The following DNMT3A variants were observed in gnomAD, a reference collection of about 807,000 sequenced individuals.
DNMT3A encodes the protein DNA methyltransferase 3 alpha, also known as DNA (cytosine-5)-methyltransferase 3A.
Under a neutral mutation model 117.6 loss-of-function variants are expected in DNMT3A, and 267 were observed. That is an observed-to-expected ratio of 2.27 (90% CI 2.05 to 2.51). The LOEUF (loss-of-function observed/expected upper bound fraction) is 2.51. DNMT3A is among the 30% of genes most tolerant of loss of function. DNMT3A has a pLI of 0.00. For missense variants in DNMT3A, 1,029 were observed against 1,260.2 expected, an observed-to-expected ratio of 0.82 and a Z score of 2.78; for synonymous variants, 432 against 474.8, an observed-to-expected ratio of 0.91 and a Z score of 1.17.
intron 16 of DNMT3A, among the ~76,000 whole-genome samples, chr2:25,242,445 T>A (rs186901846): frequency 1.9e-3 from 293 of 152,208 alleles, no homozygotes; most frequent in Middle Eastern, 3.4e-3. Context: ...GCTCCCAACA[T>A]GTCCCCCAGC....
chr2:25,301,886 A>G (rs1406972197), intron 2 of DNMT3A, among the ~76,000 whole-genome samples: 1 of 152,014 alleles, frequency 6.6e-6, no homozygotes, highest in Non-Finnish European at 1.5e-5. Flanking sequence ...GCCCTCAACA[A>G]CCTACTCAAC....
intron 1 of DNMT3A, among the ~76,000 whole-genome samples, chr2:25,316,819 A>C (rs2034399372): frequency 6.6e-6 from 1 of 152,172 alleles, no homozygotes; most frequent in South Asian, 2.1e-4. Flanking sequence ...GAACCCTACC[A>C]CCATGAAAAG....
Position 25,229,138 on chromosome 2 carries a change from G to A in DNMT3A, c.*5141C>T, listed in dbSNP as rs1398815957. 6.6e-6 allele frequency: 1 copy of A among 152,256 alleles called. No homozygotes were observed. Among genetic ancestry groups the A allele is most frequent in the African/African-American group, 2.4e-5 (1 of 41,434 alleles). The allele number at this position is 152,256 out of a possible 1,614,324, so 9.4% of individuals were successfully genotyped here. A position where few individuals can be genotyped will look rare whatever the true frequency, so the allele number is the denominator to read the frequency against. ...CTTAGCTGGGTCTCGGAAACACAGA[G>A]GCAAGGTTCCCCAACTCGATCCTCA... On this transcript the variant is annotated 3_prime_UTR_variant, in exon 23 of 23. Coordinates refer to ENST00000321117, the MANE Select transcript of DNMT3A (RefSeq NM_022552.5).
At chr2:25,338,050 C>A (rs1231595248) in intron 1 of DNMT3A, among the ~76,000 whole-genome samples, 1 of 152,224 alleles carries the variant, frequency 6.6e-6, no homozygotes, top group Non-Finnish European at 1.5e-5. Context: ...GAGACACACT[C>A]AACTCCCAGT....
At chr2:25,246,123 C>T in intron 11 of DNMT3A, 37 bp downstream of exon 11, 1 of 1,614,162 alleles carries the variant, frequency 6.2e-7, no homozygotes, top group South Asian at 1.1e-5. Context: ...GGATGCAGGC[C>T]TCCTGGTGCC....
At chr2:25,249,478 T>C (rs1675254857) in intron 6 of DNMT3A, 1 of 693,470 alleles carries the variant, frequency 1.4e-6, no homozygotes, top group Non-Finnish European at 2.5e-6. Context: ...ACACCCAGTG[T>C]GTATTGTTAC....
Position 25,237,780 on chromosome 2 carries a change from C to A in DNMT3A, c.2409-775G>T, listed in dbSNP as rs556900715. Among the ~76,000 whole-genome samples, 2 of 151,090 alleles carry A rather than the reference C, an allele frequency of 1.3e-5. No individual in the cohort carries two copies. The highest frequency in any genetic ancestry group is 2.4e-5 in the African/African-American group (1 of 41,234). On this transcript the variant is annotated intron_variant, in intron 20 of 22. Transcript: ENST00000321117. This position sits in a 1 kb window ranked among gnomAD's most constrained non-coding sequence, Gnocchi z 5.4. ...ACTCTGTCTCCAAAAAAAAAAAAAA[C>A]CAGACTTAAATTCTGCAGTTCCCTA...
intron 2 of DNMT3A, among the ~76,000 whole-genome samples, chr2:25,310,458 C>T (rs2034050690): frequency 6.6e-6 from 1 of 152,036 alleles, no homozygotes; most frequent in Admixed American, 6.5e-5. Context: ...CTGCTCTGCC[C>T]ACCATATGGA....
chr2:25,235,547 C>G (rs1673257729), intron 22 of DNMT3A, among the ~76,000 whole-genome samples, 160 bp downstream of exon 22: 2 of 152,070 alleles, frequency 1.3e-5, no homozygotes, highest in South Asian at 4.2e-4. Context: ...GTCAGGAGTC[C>G]ACCCCAGGAG....
intron 1 of DNMT3A, 140 bp from the exon 2 acceptor site, chr2:25,314,301 A>G: frequency 8.4e-7 from 1 of 1,195,712 alleles, no homozygotes; most frequent in Non-Finnish European, 1.0e-6. Flanking sequence ...CAGAGAGCAG[A>G]GAAACCGAGG....
chr2:25,319,936 A>G (rs2034531916), intron 1 of DNMT3A, among the ~76,000 whole-genome samples: 1 of 151,974 alleles, frequency 6.6e-6, no homozygotes, highest in African/African-American at 2.4e-5. Flanking sequence ...TGCCCGGCTA[A>G]TTTTTGCATT....
Position 25,237,072 on chromosome 2 carries a change from C to A in DNMT3A, c.2409-67G>T. The A allele has an allele frequency of 4.0e-6, 6 of 1,513,366 alleles. No individual in the cohort carries two copies. In the Admixed American group the frequency reaches 5.4e-5, roughly 14 times the overall value. The allele number at this position is 1,513,366 out of a possible 1,614,324, so 93.7% of individuals were successfully genotyped here. A position where few individuals can be genotyped will look rare whatever the true frequency, so the allele number is the denominator to read the frequency against. On this transcript the variant is annotated intron_variant, in intron 20 of 22. Coordinates refer to ENST00000321117, the MANE Select transcript of DNMT3A (RefSeq NM_022552.5). The surrounding 1 kb of genome is among the most constrained non-coding windows in gnomAD (Gnocchi z 5.4). ...AACAGCGGGAAGGGCCCCAGCTGCA[C>A]GACTCCCCTCCCTCCCCCAGCAGCC... is the stretch of plus-strand genomic sequence containing the variant.
Position 25,230,473 on chromosome 2 carries a change from G to C in DNMT3A, c.*3806C>G, listed in dbSNP as rs1386399331. On this transcript the variant is annotated 3_prime_UTR_variant, in exon 23 of 23. Transcript: ENST00000321117. ...AGCCCCCAGAACCCTTGTTTCTAAG[G>C]GGGAAATGGGCCTACTCTTCGGAAA... 1 of 152,218 alleles carries C rather than the reference G, an allele frequency of 6.6e-6. No individual in the cohort carries two copies. The highest frequency in any genetic ancestry group is 1.5e-5 in the Non-Finnish European group (1 of 68,060). The allele number at this position is 152,218 out of a possible 1,614,324, so 9.4% of individuals were successfully genotyped here.
chr2:25,278,769 T>C (rs893535008), intron 4 of DNMT3A, among the ~76,000 whole-genome samples: 8 of 151,308 alleles, frequency 5.3e-5, no homozygotes. Context: ...GAGGTTGCAG[T>C]AAGCCAAGAT....
intron 1 of DNMT3A, among the ~76,000 whole-genome samples, chr2:25,340,103 G>C (rs1345071440): frequency 6.6e-6 from 1 of 152,222 alleles, no homozygotes; most frequent in African/African-American, 2.4e-5. Flanking sequence ...GTTTGGAGGG[G>C]GGGTAGCTGC....
intron 6 of DNMT3A, among the ~76,000 whole-genome samples, chr2:25,263,990 G>C (rs1052169544): frequency 6.6e-6 from 1 of 152,124 alleles, no homozygotes; most frequent in Non-Finnish European, 1.5e-5. Flanking sequence ...TCACAGGGGA[G>C]GGTAGAATTC....
chr2:25,339,968 A>C lies in DNMT3A; in HGVS notation c.-178+1858T>G, dbSNP rs2035349816. On this transcript the variant is annotated intron_variant, in intron 1 of 22. Transcript: ENST00000321117. The surrounding 1 kb of genome is among the most constrained non-coding windows in gnomAD (Gnocchi z 4.9). The stretch of plus-strand genomic sequence containing the variant: ...AGGCGGGTTCAGCCGCTGGCAGCCT[A>C]GGGTGAAACATGAAGACTGAGCAGG... Among the ~76,000 whole-genome samples, 1 of 152,192 alleles carries C rather than the reference A, an allele frequency of 6.6e-6. No individual in the cohort carries two copies. The highest frequency in any genetic ancestry group is 1.5e-5 in the Non-Finnish European group (1 of 68,026).
intron 1 of DNMT3A, among the ~76,000 whole-genome samples, chr2:25,321,368 C>T (rs776403824): frequency 6.6e-6 from 1 of 152,222 alleles, no homozygotes; most frequent in Non-Finnish European, 1.5e-5. Flanking sequence ...ACAGTACTCT[C>T]TGCCTCATCA....
At chr2:25,299,540 G>C (rs905002929) in intron 3 of DNMT3A, among the ~76,000 whole-genome samples, 2 of 152,186 alleles carry the variant, frequency 1.3e-5, no homozygotes, top group Admixed American at 1.3e-4. Context: ...CCTTCCAGAG[G>C]GAGGCCAGGA....
Sources: allele counts gnomAD v4.1 joint callset (sites outside exome capture counted in the v4.1 genomes callset), GRCh38; gene constraint gnomAD v4.1.1; non-coding constraint Gnocchi (gnomAD v3.1); transcripts MANE v1.5; gene names NCBI Gene and HGNC (gene_info 2026-07-23, HGNC 2026-07-21).